Variants in COG7 observed in about 807,000 individuals in gnomAD.
The protein encoded by COG7 is conserved oligomeric Golgi complex subunit 7.
In COG7, 49 loss-of-function variants were observed where a neutral mutation model predicts 91.5. The observed-to-expected ratio is 0.54, with a 90% CI of 0.43 to 0.68. COG7 has a LOEUF of 0.68. Among genes scored for constraint, COG7 ranks in the 30% least tolerant of loss-of-function variants. COG7 has a pLI of 0.00. For synonymous variants in COG7, 365 were observed against 388.7 expected (o/e 0.94, Z 0.72); for missense variants, 895 against 961.3 (o/e 0.93, Z 0.91).
Position 23,443,150 on chromosome 16 carries a change from G to C in COG7, c.436-505C>G, listed in dbSNP as rs114016557. On this transcript the variant is annotated intron_variant, in intron 3 of 16. Transcript: ENST00000307149. ...TTGAAAAATTATAATAGCTATTGTTGGTGAGGGTACAAAGAAAAAAGACAA... is the reference window on the plus strand; with the variant it reads ...TTGAAAAATTATAATAGCTATTGTTCGTGAGGGTACAAAGAAAAAAGACAA... 3.1e-3 allele frequency among the ~76,000 whole-genome samples: 466 copies of C among 152,242 alleles called. 2 individuals carry two copies. The highest frequency in any genetic ancestry group is 0.011 in the African/African-American group (454 of 41,550).
At chr16:23,405,289 G>T (rs1402579199) in intron 12 of COG7, among the ~76,000 whole-genome samples, 1 of 152,130 alleles carries the variant, frequency 6.6e-6, no homozygotes, top group African/African-American at 2.4e-5. Flanking sequence ...TTCTCCCTTG[G>T]AAAAGAGTAA....
chr16:23,432,149 A>T (rs1166101922), intron 6 of COG7, among the ~76,000 whole-genome samples: 1 of 152,116 alleles, frequency 6.6e-6, no homozygotes, highest in Admixed American at 6.6e-5. Context: ...TCTGTCTCAA[A>T]CAAAACAAAA....
At chr16:23,442,983 A>C (rs1203807750) in intron 3 of COG7, among the ~76,000 whole-genome samples, 1 of 151,984 alleles carries the variant, frequency 6.6e-6, no homozygotes, top group Non-Finnish European at 1.5e-5. Context: ...GCAGTTAGCC[A>C]AGATCACACC....
intron 4 of COG7, among the ~76,000 whole-genome samples, chr16:23,435,897 T>C (rs1001820517): frequency 2.0e-5 from 3 of 152,226 alleles, no homozygotes; most frequent in African/African-American, 7.2e-5. Context: ...ATGCTTATTA[T>C]TTTCATAAGA....
intron 14 of COG7, among the ~76,000 whole-genome samples, chr16:23,397,435 A>C (rs903206921): frequency 5.9e-5 from 9 of 152,180 alleles, no homozygotes; most frequent in Non-Finnish European, 1.3e-4. Context: ...TGCAGGAAGT[A>C]ACGGAAGGAA....
chr16:23,450,886 C>A (rs553541274), intron 1 of COG7, among the ~76,000 whole-genome samples: 1 of 151,632 alleles, frequency 6.6e-6, no homozygotes, highest in Non-Finnish European at 1.5e-5. Flanking sequence ...CCCCTCCCTA[C>A]CTTTTCTTAA....
At chr16:23,403,655 G>C (rs374622646) in intron 13 of COG7, 39 bp downstream of exon 13, 4 of 1,612,874 alleles carry the variant, frequency 2.5e-6, no homozygotes, top group Admixed American at 1.7e-5. Context: ...GTTGGAGGCA[G>C]GACCCGGGAA....
Position 23,452,958 on chromosome 16 carries a change from C to G in COG7, c.37G>C (p.Val13Leu). The change falls in exon 1 of 17, where the codon GTG becomes CTG. Residue 13 changes from valine to leucine, a missense_variant. Transcript: ENST00000307149. ...AAGGCCGCATTGATCCACTCCTTCA[C>G]GTCGAAGTCGTCTGCCAGGAACTTG... The part of the protein sequence containing the change: ...FSKFLADDFD[V>L]KEWINAAFRA... 1 of 1,614,084 alleles carries G rather than the reference C, an allele frequency of 6.2e-7. No individual in the cohort carries two copies. Among genetic ancestry groups the G allele is most frequent in the Non-Finnish European group, 8.5e-7 (1 of 1,179,944 alleles).
intron 11 of COG7, among the ~76,000 whole-genome samples, chr16:23,408,617 A>T (rs530112237): frequency 7.1e-4 from 108 of 152,138 alleles, no homozygotes; most frequent in African/African-American, 2.5e-3. Flanking sequence ...AAAGGCTCAC[A>T]GCAGGATAGA....
At chr16:23,400,239 A>T (rs1596912363) in intron 13 of COG7, among the ~76,000 whole-genome samples, 1 of 152,162 alleles carries the variant, frequency 6.6e-6, no homozygotes, top group South Asian at 2.1e-4. Context: ...GAAGGTGAAT[A>T]CAGCAGCTCT....
chr16:23,424,334 T>C (rs1963809600), intron 7 of COG7, among the ~76,000 whole-genome samples: 1 of 151,382 alleles, frequency 6.6e-6, no homozygotes, highest in African/African-American at 2.4e-5. Flanking sequence ...TGTAGCCTGT[T>C]TGTTCTCTAA....
chr16:23,432,581 T>G (rs575374272), intron 6 of COG7, among the ~76,000 whole-genome samples: 31 of 152,272 alleles, frequency 2.0e-4, no homozygotes, highest in Middle Eastern at 3.4e-3. Context: ...TACTGCAAAG[T>G]AAGACAGGCT....
At chr16:23,394,677 A>C (rs1052755950) in intron 14 of COG7, among the ~76,000 whole-genome samples, 4 of 152,184 alleles carry the variant, frequency 2.6e-5, no homozygotes, top group Non-Finnish European at 5.9e-5. Context: ...TCCAGAAGTT[A>C]ACACAGACTC....
chr16:23,426,863 G>T (rs952125264), intron 6 of COG7, among the ~76,000 whole-genome samples: 5 of 144,298 alleles, frequency 3.5e-5, no homozygotes, highest in Admixed American at 6.9e-5. Flanking sequence ...AGAAAGAAAA[G>T]GCATCCAAAT....
At chr16:23,448,049 G>C (rs1964210036) in intron 1 of COG7, among the ~76,000 whole-genome samples, 1 of 152,106 alleles carries the variant, frequency 6.6e-6, no homozygotes, top group African/African-American at 2.4e-5. Flanking sequence ...TTTGTTGACT[G>C]ACTAAATGGA....
At chr16:23,418,637 A>G in intron 8 of COG7, 63 bp downstream of exon 8, 1 of 1,559,122 alleles carries the variant, frequency 6.4e-7, no homozygotes, top group Non-Finnish European at 8.8e-7. Flanking sequence ...CCTCTCCCAG[A>G]CGTGGCCAAG....
intron 1 of COG7, among the ~76,000 whole-genome samples, chr16:23,448,163 A>G (rs1377174002): frequency 1.3e-5 from 2 of 152,112 alleles, no homozygotes; most frequent in African/African-American, 4.8e-5. Flanking sequence ...CATAAAAATA[A>G]ATGAAGCTTT....
intron 10 of COG7, chr16:23,413,028 GT>G (rs1963591396): frequency 5.2e-6 from 1 of 193,212 alleles, no homozygotes; most frequent in African/African-American, 2.4e-5. Context: ...GCCAAATAGC[GT>G]TGCCTGGAAC....
At chr16:23,401,711 T>C (rs1963380359) in intron 13 of COG7, among the ~76,000 whole-genome samples, 1 of 152,122 alleles carries the variant, frequency 6.6e-6, no homozygotes, top group Non-Finnish European at 1.5e-5. Context: ...AATCTTTTTT[T>C]CATAACCTTG....
Sources: gnomAD v4.1 joint callset for allele counts (sites outside exome capture counted in the v4.1 genomes callset) on GRCh38, gnomAD v4.1.1 for gene constraint, MANE v1.5 for transcripts, NCBI Gene and HGNC (gene_info 2026-07-23, HGNC 2026-07-21) for gene names.